Variants in TM9SF3 observed in about 807,000 individuals in gnomAD.
The protein encoded by TM9SF3 is transmembrane 9 superfamily member 3.
A neutral mutation model predicts 78.6 loss-of-function variants in TM9SF3; 14 were observed. The ratio of observed to expected loss-of-function variants is 0.18; its 90% CI spans 0.12 to 0.28. The LOEUF (loss-of-function observed/expected upper bound fraction) is 0.28, where lower values mean the gene tolerates loss of function less well. Among genes scored for constraint, TM9SF3 ranks in the 10% least tolerant of loss-of-function variants. The pLI is 1.00. For synonymous variants in TM9SF3, 231 were observed against 241.7 expected (o/e 0.96, Z 0.41); for missense variants, 496 against 721.9 (o/e 0.69, Z 3.59).
At chr10:96,568,644 CTT>C (rs1025648053) in intron 2 of TM9SF3, among the ~76,000 whole-genome samples, 12 of 152,268 alleles carry the variant, frequency 7.9e-5, no homozygotes, top group African/African-American at 2.6e-4. Context: ...TTTACTTTCT[CTT>C]TTGATAACAT....
At chr10:96,548,822 A>AAAAATGT (rs1371759421) in intron 7 of TM9SF3, among the ~76,000 whole-genome samples, 1 of 151,106 alleles carries the variant, frequency 6.6e-6, no homozygotes, top group Non-Finnish European at 1.5e-5. Context: ...AAAAAAAAGT[A>AAAAATGT]AAAATGTAAA....
intron 4 of TM9SF3, chr10:96,560,049 A>C (rs1848285544): frequency 1.7e-6 from 1 of 576,182 alleles, no homozygotes; most frequent in Non-Finnish European, 3.1e-6. Flanking sequence ...AGCTCATATC[A>C]CAAGTGTCTA....
rs1306493637 is a variant in TM9SF3 at position 96,530,717 on chromosome 10, T to C, written c.1326-109A>G. ...CACTTAAAAAATCATCTCTAAAGGA[T>C]AGAAACAAACCAGTAAAATGAAAAG... On this transcript the variant is annotated intron_variant, in intron 10 of 14. Coordinates refer to ENST00000371142, the MANE Select transcript of TM9SF3 (RefSeq NM_020123.4). The C allele has an allele frequency of 4.9e-6, 5 of 1,013,596 alleles. No individual in the cohort carries two copies. The African/African-American group carries it at 6.6e-5, about 13-fold the overall frequency. The allele number at this position is 1,013,596 out of a possible 1,614,324, so 62.8% of individuals were successfully genotyped here.
In TM9SF3 at chr10:96,520,646, A is replaced by G. The variant is rs1190607824; in HGVS notation, c.*1617T>C. ...TCTAGGAAAACTTCATATTATGAAT[A>G]GTTCCAGAAAAATGTATTCAAATCA... On this transcript the variant is annotated 3_prime_UTR_variant, in exon 15 of 15. Coordinates refer to ENST00000371142, the MANE Select transcript of TM9SF3 (RefSeq NM_020123.4). 1 of 373,350 alleles carries G rather than the reference A, an allele frequency of 2.7e-6. No homozygotes were observed. Among genetic ancestry groups the G allele is most frequent in the Non-Finnish European group, 4.8e-6 (1 of 209,400 alleles). 23.1% of individuals were successfully genotyped at this position (373,350 alleles called of 1,614,324 possible). A position where few individuals can be genotyped will look rare whatever the true frequency, so the allele number is the denominator to read the frequency against.
rs749921041 is a variant in TM9SF3 at position 96,539,754 on chromosome 10, A to C, written c.1185+4322T>G. On this transcript the variant is annotated intron_variant, in intron 9 of 14. Transcript: ENST00000371142. Reference sequence around the variant, plus strand: ...AACACACAAACAAAAAAGGGCAAAAACCATAACCACTGCTCTCAGAATTAG... The same window carrying C: ...AACACACAAACAAAAAAGGGCAAAACCCATAACCACTGCTCTCAGAATTAG... 4.3e-4 allele frequency among the ~76,000 whole-genome samples: 65 copies of C among 152,182 alleles called. 1 individual carries two copies. Among genetic ancestry groups the C allele is most frequent in the Non-Finnish European group, 8.8e-5 (6 of 68,044 alleles).
intron 2 of TM9SF3, among the ~76,000 whole-genome samples, chr10:96,574,508 A>G (rs577603931): frequency 4.6e-5 from 7 of 152,352 alleles, no homozygotes; most frequent in African/African-American, 1.7e-4. Context: ...TGTGGAAGAC[A>G]GTGTGGCAAT....
intron 3 of TM9SF3, among the ~76,000 whole-genome samples, 163 bp from the exon 4 acceptor site, chr10:96,562,301 A>C (rs1165234585): frequency 3.3e-5 from 5 of 149,678 alleles, no homozygotes; most frequent in Non-Finnish European, 7.4e-5. Context: ...CATGATTGTA[A>C]GTTTCCTGAG....
At chr10:96,523,409 T>C (rs1034355419) in intron 14 of TM9SF3, among the ~76,000 whole-genome samples, 10 of 151,848 alleles carry the variant, frequency 6.6e-5, no homozygotes, top group African/African-American at 2.4e-4. Context: ...GTTTCTCCTA[T>C]GTATGAACTA....
At position 96,518,194 on chromosome 10, in the gene TM9SF3, A is replaced by G. The variant is rs554661482; in HGVS notation, c.*4069T>C. On this transcript the variant is annotated 3_prime_UTR_variant, in exon 15 of 15. Transcript: ENST00000371142. The stretch of plus-strand genomic sequence containing the variant: ...TTAGAACCTCAATTGTATTTGATAC[A>G]TTATATACTGGATTTCTATTACTAA... 6.6e-6 allele frequency: 1 copy of G among 152,336 alleles called. No individual in the cohort carries two copies. The highest frequency in any genetic ancestry group is 1.5e-5 in the Non-Finnish European group (1 of 68,020). The allele number at this position is 152,336 out of a possible 1,614,324, so 9.4% of individuals were successfully genotyped here. A position where few individuals can be genotyped will look rare whatever the true frequency, so the allele number is the denominator to read the frequency against.
chr10:96,528,846 T>C (rs142219055), intron 11 of TM9SF3, among the ~76,000 whole-genome samples: 1 of 152,254 alleles, frequency 6.6e-6, no homozygotes, highest in Non-Finnish European at 1.5e-5. Context: ...TCTTACGTTA[T>C]AAAGACCCTT....
At chr10:96,533,234 C>A in intron 9 of TM9SF3, 44 bp from the exon 10 acceptor site, 2 of 1,577,654 alleles carry the variant, frequency 1.3e-6, no homozygotes, top group Non-Finnish European at 1.7e-6. Flanking sequence ...AGAACAATAA[C>A]ATTAATATAA....
intron 2 of TM9SF3, among the ~76,000 whole-genome samples, chr10:96,573,553 CTCT>C (rs1848462224): frequency 1.3e-5 from 2 of 152,156 alleles, no homozygotes; most frequent in African/African-American, 2.4e-5. Flanking sequence ...ACTTGGCTAG[CTCT>C]TCTTTTTTTA....
At chr10:96,545,374 T>A (rs533222561) in intron 8 of TM9SF3, among the ~76,000 whole-genome samples, 2 of 152,336 alleles carry the variant, frequency 1.3e-5, no homozygotes, top group South Asian at 4.1e-4. Context: ...CCTAAAATCA[T>A]AACGTTCCTC....
intron 9 of TM9SF3, among the ~76,000 whole-genome samples, chr10:96,535,106 AAC>A (rs767873819): frequency 3.3e-5 from 5 of 152,212 alleles, no homozygotes; most frequent in Admixed American, 6.5e-5. Context: ...CTGTGCACAT[AAC>A]AGTCAATAAA....
chr10:96,543,842 C>T (rs1436143091), intron 9 of TM9SF3: 4 of 244,394 alleles, frequency 1.6e-5, no homozygotes, highest in Non-Finnish European at 2.4e-5. Context: ...CAGCCTTTCA[C>T]TTTACTGGCT....
At chr10:96,548,124 A>G (rs1369992861) in intron 7 of TM9SF3, 135 bp from the exon 8 acceptor site, 2 of 560,270 alleles carry the variant, frequency 3.6e-6, no homozygotes, top group African/African-American at 3.9e-5. Flanking sequence ...CTGGACTACA[A>G]ATAAAACTCA....
intron 9 of TM9SF3, among the ~76,000 whole-genome samples, chr10:96,543,197 C>T (rs774951182): frequency 6.6e-6 from 1 of 152,034 alleles, no homozygotes; most frequent in Non-Finnish European, 1.5e-5. Flanking sequence ...ATTGGGAGAC[C>T]GTGGGTTAAC....
chr10:96,567,129 A>T (rs1484670406), intron 2 of TM9SF3, among the ~76,000 whole-genome samples: 2 of 141,738 alleles, frequency 1.4e-5, no homozygotes, highest in African/African-American at 5.3e-5. Context: ...TTGTTGTCCA[A>T]GCTGGAGTGC....
Position 96,565,372 on chromosome 10 carries a change from T to C in TM9SF3, c.353A>G (p.Asp118Gly). ...ATTTTTTATGGCATATACAAATGCATCTCTCTTTTCTTTATCTAAATCAAT... is the reference window on the plus strand; with the variant it reads ...ATTTTTTATGGCATATACAAATGCACCTCTCTTTTCTTTATCTAAATCAAT... ...CEIDLDKEKRDAFVYAIKNHY... is the reference protein window; with the variant it reads ...CEIDLDKEKRGAFVYAIKNHY... The change falls in exon 3 of 15, where the codon GAT (aspartate) becomes GGT (glycine). Residue 118 changes from aspartate to glycine, a missense_variant. Coordinates refer to ENST00000371142, the MANE Select transcript of TM9SF3 (RefSeq NM_020123.4). The C allele has an allele frequency of 6.4e-7, 1 of 1,559,412 alleles. No individual in the cohort carries two copies. Among genetic ancestry groups the C allele is most frequent in the Admixed American group, 2.1e-5 (1 of 46,554 alleles).
Sources: allele counts gnomAD v4.1 joint callset (sites outside exome capture counted in the v4.1 genomes callset), GRCh38; gene constraint gnomAD v4.1.1; transcripts MANE v1.5; gene names NCBI Gene and HGNC (gene_info 2026-07-23, HGNC 2026-07-21).